EYA3: variants seen among roughly 807,000 people sequenced by gnomAD.
The protein encoded by EYA3 is protein phosphatase EYA3.
A neutral mutation model predicts 80.0 loss-of-function variants in EYA3; 39 were observed. The observed-to-expected ratio is 0.49, with a 90% CI of 0.38 to 0.64. EYA3 has a LOEUF of 0.64. Among genes scored for constraint, EYA3 ranks in the 30% least tolerant of loss-of-function variants. The pLI is 0.00. For missense variants in EYA3, 523 were observed against 676.1 expected, an observed-to-expected ratio of 0.77 and a Z score of 2.51; for synonymous variants, 206 against 232.8, an observed-to-expected ratio of 0.88 and a Z score of 1.05.
intron 13 of EYA3, among the ~76,000 whole-genome samples, chr1:27,995,632 G>T (rs1015169279): frequency 1.3e-5 from 2 of 148,704 alleles, no homozygotes; most frequent in Non-Finnish European, 1.5e-5. Context: ...GCTATTTTGG[G>T]GGCTGGGGTG....
At position 28,067,760 on chromosome 1, in the gene EYA3, G is replaced by A. The variant is rs377064175; in HGVS notation, c.-68-9666C>T. Among the ~76,000 whole-genome samples, 70 of 152,234 alleles carry A rather than the reference G, an allele frequency of 4.6e-4. 4 individuals carry two copies. The South Asian group carries it at 0.011, about 23-fold the overall frequency. Reference sequence around the variant, plus strand: ...AAGCAAAAGCAACGAACTTCCAATAGTTAAAGAATTTGCTATTGGAAGAGA... The same window carrying A: ...AAGCAAAAGCAACGAACTTCCAATAATTAAAGAATTTGCTATTGGAAGAGA... On this transcript the variant is annotated intron_variant, in intron 1 of 17. Transcript: ENST00000373871.
At position 28,058,077 on chromosome 1, in the gene EYA3, C is replaced by T; in HGVS notation, c.-51G>A. 6.8e-7 allele frequency: 1 copy of T among 1,474,114 alleles called. No homozygotes were observed. The highest frequency in any genetic ancestry group is 2.0e-5 in the Admixed American group (1 of 50,172). The allele number at this position is 1,474,114 out of a possible 1,614,324, so 91.3% of individuals were successfully genotyped here. A position where few individuals can be genotyped will look rare whatever the true frequency, so the allele number is the denominator to read the frequency against. On this transcript the variant is annotated 5_prime_UTR_variant, in exon 2 of 18. Transcript: ENST00000373871. ...TTATGTGACTGGATTGCAAGTCTCT[C>T]TCAGCAGTTTTCACAATCTGTTTTT...
intron 1 of EYA3, among the ~76,000 whole-genome samples, chr1:28,083,637 T>G (rs1223154045): frequency 6.6e-6 from 1 of 152,250 alleles, no homozygotes; most frequent in African/African-American, 2.4e-5. Context: ...AAGTTCACTT[T>G]TATTTTTACT....
chr1:27,989,662 T>G, intron 15 of EYA3, 35 bp downstream of exon 15: 2 of 1,370,248 alleles, frequency 1.5e-6, no homozygotes, highest in Non-Finnish European at 2.1e-6. Flanking sequence ...AATATGTCGC[T>G]GAGAGGATGA....
At chr1:27,992,417 T>G (rs1245005287) in intron 14 of EYA3, among the ~76,000 whole-genome samples, 1 of 152,160 alleles carries the variant, frequency 6.6e-6, no homozygotes, top group African/African-American at 2.4e-5. Context: ...ATGCCGCCAC[T>G]GATCTGACAG....
chr1:27,993,860 CCA>C (rs1640241631), intron 13 of EYA3, among the ~76,000 whole-genome samples: 1 of 152,100 alleles, frequency 6.6e-6, no homozygotes, highest in Non-Finnish European at 1.5e-5. Context: ...CAGAAAATAA[CCA>C]CACAGTGAAA....
rs116836793 is a variant in EYA3 at position 27,985,418 on chromosome 1, T to A, written c.1540+3117A>T. On this transcript the variant is annotated intron_variant, in intron 16 of 17. Coordinates refer to ENST00000373871, the MANE Select transcript of EYA3 (RefSeq NM_001990.4). ...GACCCATCAACAACATTAGAAGGAG[T>A]TGATCACTCTTCCTTCATTCTTTCA... Among the ~76,000 whole-genome samples, 698 of 150,948 alleles carry A rather than the reference T, an allele frequency of 4.6e-3. 5 individuals carry two copies. Among genetic ancestry groups the A allele is most frequent in the African/African-American group, 0.016 (669 of 41,100 alleles).
intron 1 of EYA3, among the ~76,000 whole-genome samples, chr1:28,065,619 GA>G (rs972706363): frequency 1.3e-5 from 2 of 151,880 alleles, no homozygotes; most frequent in African/African-American, 4.8e-5. Context: ...ATTTAGTGGA[GA>G]ACTTTTACCT....
At chr1:28,052,888 C>T (rs1202473240) in intron 2 of EYA3, among the ~76,000 whole-genome samples, 1 of 152,022 alleles carries the variant, frequency 6.6e-6, no homozygotes, top group Non-Finnish European at 1.5e-5. Flanking sequence ...TTGCAGTGAG[C>T]CGAGATAGTG....
At chr1:28,036,185 G>A (rs948683901) in intron 5 of EYA3, among the ~76,000 whole-genome samples, 1 of 152,070 alleles carries the variant, frequency 6.6e-6, no homozygotes, top group Admixed American at 6.6e-5. Context: ...TCAACCCAAG[G>A]AACAATTTTA....
intron 1 of EYA3, among the ~76,000 whole-genome samples, chr1:28,079,842 C>G (rs564673361): frequency 6.6e-6 from 1 of 150,832 alleles, no homozygotes; most frequent in South Asian, 2.1e-4. Context: ...GTTGCCCAGG[C>G]TAGTCTTGAA....
intron 7 of EYA3, among the ~76,000 whole-genome samples, chr1:28,020,423 A>C (rs1018263275): frequency 2.0e-5 from 3 of 152,208 alleles, no homozygotes; most frequent in Admixed American, 1.3e-4. Flanking sequence ...TATCAGGGTC[A>C]ACTATGTGCC....
At position 28,038,916 on chromosome 1, in the gene EYA3, GAT is replaced by G; in HGVS notation, c.158-13_158-12del. Reference sequence around the variant, plus strand: ...CGGTGCATGTCATAACTGAAAGAAAGATAATATCACCAGGTTAAAAAGTTAGA... The same window carrying G: ...CGGTGCATGTCATAACTGAAAGAAAGAATATCACCAGGTTAAAAAGTTAGA... On this transcript the variant is annotated splice_polypyrimidine_tract_variant and intron_variant, in intron 4 of 17. Coordinates refer to ENST00000373871, the MANE Select transcript of EYA3 (RefSeq NM_001990.4). 6.3e-7 allele frequency: 1 copy of G among 1,576,794 alleles called. No homozygotes were observed. Among genetic ancestry groups the G allele is most frequent in the Non-Finnish European group, 8.7e-7 (1 of 1,153,948 alleles).
chr1:28,025,115 C>T (rs1308237030), intron 7 of EYA3, among the ~76,000 whole-genome samples: 3 of 152,020 alleles, frequency 2.0e-5, no homozygotes, highest in Non-Finnish European at 2.9e-5. Context: ...AAAGTAGGAG[C>T]GAGGAGAGTA....
chr1:28,001,777 C>A (rs181500321), intron 11 of EYA3, among the ~76,000 whole-genome samples: 1 of 146,590 alleles, frequency 6.8e-6, no homozygotes, highest in East Asian at 2.1e-4. Context: ...GTCACCCAGG[C>A]TGGAGTGCTG....
chr1:28,045,155 T>C (rs1643954713), intron 3 of EYA3, among the ~76,000 whole-genome samples: 3 of 152,256 alleles, frequency 2.0e-5, no homozygotes. Context: ...GGTTCATTTT[T>C]ATCTTGTTAC....
Position 27,989,598 on chromosome 1 carries a change from C to T in EYA3, c.1418+99G>A. The T allele has an allele frequency of 4.3e-6, 3 of 695,826 alleles. No homozygotes were observed. In the East Asian group the frequency reaches 8.7e-5, roughly 20 times the overall value. 43.1% of individuals were successfully genotyped at this position (695,826 alleles called of 1,614,324 possible). On this transcript the variant is annotated intron_variant, in intron 15 of 17. Coordinates refer to ENST00000373871, the MANE Select transcript of EYA3 (RefSeq NM_001990.4). ...CCTACATCATTTAAACTCCTCTCTACCCCTATCCCAAACCCTATTTTAGAG... is the reference window on the plus strand; with the variant it reads ...CCTACATCATTTAAACTCCTCTCTATCCCTATCCCAAACCCTATTTTAGAG...
chr1:27,982,601 CT>C (rs112969848), intron 16 of EYA3, among the ~76,000 whole-genome samples: 3,344 of 150,372 alleles, frequency 0.022, 98 homozygotes, highest in African/African-American at 0.068. Context: ...ATCAGTTTTT[CT>C]TTTTTTTTGA....
intron 12 of EYA3, 93 bp from the exon 13 acceptor site, chr1:27,997,471 G>T: frequency 2.7e-6 from 3 of 1,104,986 alleles, no homozygotes; most frequent in Non-Finnish European, 4.2e-6. Flanking sequence ...ACAGTGGCAG[G>T]ATAATGAAAT....
Sources: gnomAD v4.1 joint callset for allele counts (sites outside exome capture counted in the v4.1 genomes callset) on GRCh38, gnomAD v4.1.1 for gene constraint, MANE v1.5 for transcripts, NCBI Gene and HGNC (gene_info 2026-07-23, HGNC 2026-07-21) for gene names.